The following GNG7 variants were observed in gnomAD, a reference collection of about 807,000 sequenced individuals.
GNG7 encodes guanine nucleotide-binding protein G(I)/G(S)/G(O) subunit gamma-7.
A neutral mutation model predicts 4.0 loss-of-function variants in GNG7; 1 was observed. The ratio of observed to expected loss-of-function variants is 0.25; its 90% CI spans 0.09 to 1.18. GNG7 has a LOEUF of 1.18. GNG7 is among the 50% of genes most tolerant of loss of function. The pLI is 0.50. For missense variants in GNG7, 86 were observed against 91.9 expected (o/e 0.94, Z 0.26); for synonymous variants, 34 against 36.9 (o/e 0.92, Z 0.29).
intron 2 of GNG7, among the ~76,000 whole-genome samples, chr19:2,565,836 G>A (rs1010097011): frequency 2.6e-5 from 4 of 152,088 alleles, no homozygotes; most frequent in African/African-American, 4.8e-5. Flanking sequence ...TGCAGGGGAC[G>A]GGCGGAATGA....
chr19:2,690,940 AC>A (rs1438071442), intron 1 of GNG7, among the ~76,000 whole-genome samples: 3 of 152,158 alleles, frequency 2.0e-5, no homozygotes, highest in Non-Finnish European at 4.4e-5. Flanking sequence ...ACGTATCCTT[AC>A]ACCCTTCTCC....
rs538366779 is a variant in GNG7, at chr19:2,617,578, T to A, written c.-78+28646A>T. Among the ~76,000 whole-genome samples the A allele has an allele frequency of 3.3e-5, 5 of 152,274 alleles. No homozygotes were observed. Among genetic ancestry groups the A allele is most frequent in the Non-Finnish European group, 4.4e-5 (3 of 68,020 alleles). ...TCCGCTTCCAGGGAGCCCTCCGGAA[T>A]GTCCTTCCTCCTGCCTTCAATGCTC... On this transcript the variant is annotated intron_variant, in intron 2 of 4. Transcript: ENST00000382159. The surrounding 1 kb of genome is among the most constrained non-coding windows in gnomAD (Gnocchi z 4.7).
chr19:2,664,626 C>T (rs1159588312), intron 1 of GNG7, among the ~76,000 whole-genome samples: 2 of 152,168 alleles, frequency 1.3e-5, no homozygotes. Context: ...GCTCTAGAGA[C>T]CCTCCTCACC....
intron 1 of GNG7, among the ~76,000 whole-genome samples, chr19:2,669,539 T>C (rs141768620): frequency 0.013 from 1,947 of 152,156 alleles, 32 homozygotes; most frequent in African/African-American, 0.044. Flanking sequence ...ACTACCACTG[T>C]GGGTCAAATC....
At chr19:2,580,697 C>T (rs1980477523) in intron 2 of GNG7, among the ~76,000 whole-genome samples, 1 of 150,350 alleles carries the variant, frequency 6.7e-6, no homozygotes, top group African/African-American at 2.5e-5. Context: ...AACTCTTGGC[C>T]TCAAGGGATC....
Position 2,646,250 on chromosome 19 carries a change from G to C in GNG7, c.-104C>G, listed in dbSNP as rs149523833. On this transcript the variant is annotated 5_prime_UTR_variant, in exon 2 of 5. Transcript: ENST00000382159. Reference sequence around the variant, plus strand: ...TGTGCAGGAGGTCTCGCCGTCTGCAGCACCGAGATCCCGAAACCAAGCTCC... The same window carrying C: ...TGTGCAGGAGGTCTCGCCGTCTGCACCACCGAGATCCCGAAACCAAGCTCC... The C allele has an allele frequency of 0.011, 1,679 of 152,248 alleles. 23 individuals are homozygous for C. The highest frequency in any genetic ancestry group is 0.058 in the Middle Eastern group (17 of 294). The allele number at this position is 152,248 out of a possible 1,614,324, so 9.4% of individuals were successfully genotyped here. A position where few individuals can be genotyped will look rare whatever the true frequency, so the allele number is the denominator to read the frequency against.
intron 2 of GNG7, among the ~76,000 whole-genome samples, chr19:2,601,498 G>A (rs1296484279): frequency 6.6e-6 from 1 of 152,132 alleles, no homozygotes; most frequent in Non-Finnish European, 1.5e-5. Flanking sequence ...CAGGAACAAG[G>A]ACTGGGCAAT....
rs1441442907 is a variant in GNG7 at position 2,543,229 on chromosome 19, T to C, written c.-38+11920A>G. ...ACGCCGTGCCTGGCCTCCTTTTTTT[T>C]TTTTTTTTTGACACAGGGTCTTGCT... On this transcript the variant is annotated intron_variant, in intron 3 of 4. Coordinates refer to ENST00000382159, the MANE Select transcript of GNG7 (RefSeq NM_052847.3). Among the ~76,000 whole-genome samples, 5 of 149,444 alleles carry C rather than the reference T, an allele frequency of 3.3e-5. No homozygotes were observed. In the East Asian group the frequency reaches 7.8e-4, roughly 23 times the overall value.
Position 2,587,908 on chromosome 19 carries a change from G to GGA in GNG7, c.-77-32722_-77-32721dup, listed in dbSNP as rs563501755. On this transcript the variant is annotated intron_variant, in intron 2 of 4. Transcript: ENST00000382159. ...GAAGGAAGGAAAGAAAAGAAAAGAA[G>GGA]GAGAGAGAGAGAGAAGGAAGGAAGG... Among the ~76,000 whole-genome samples, 426 of 149,744 alleles carry GGA rather than the reference G, an allele frequency of 2.8e-3. 2 individuals carry two copies. Among genetic ancestry groups the GGA allele is most frequent in the Middle Eastern group, 6.9e-3 (2 of 290 alleles).
At chr19:2,598,379 C>T (rs371179738) in intron 2 of GNG7, among the ~76,000 whole-genome samples, 16 of 151,678 alleles carry the variant, frequency 1.1e-4, no homozygotes, top group Non-Finnish European at 2.2e-4. Context: ...CAGAATTGGC[C>T]GGGCGTGGTG....
chr19:2,580,272 C>G (rs1232273174), intron 2 of GNG7, among the ~76,000 whole-genome samples: 1 of 143,268 alleles, frequency 7.0e-6, no homozygotes, highest in African/African-American at 2.8e-5. Context: ...CCCTGCTGCT[C>G]TCTGTCTGGT....
chr19:2,573,018 CCT>C (rs1491498386), intron 2 of GNG7, among the ~76,000 whole-genome samples: 29 of 148,180 alleles, frequency 2.0e-4, no homozygotes, highest in Middle Eastern at 3.5e-3. Context: ...GGAAATTTCT[CCT>C]TTTTTTTTTT....
intron 4 of GNG7, among the ~76,000 whole-genome samples, chr19:2,517,426 G>A (rs568416485): frequency 1.4e-4 from 21 of 152,190 alleles, no homozygotes; most frequent in African/African-American, 4.8e-4. Flanking sequence ...GTGCAGTGGC[G>A]TGATCTCGGC....
chr19:2,636,000 G>A (rs745445337), intron 2 of GNG7, among the ~76,000 whole-genome samples: 59 of 152,300 alleles, frequency 3.9e-4, no homozygotes, highest in Middle Eastern at 3.4e-3. Flanking sequence ...ACGCTGCTCA[G>A]CAGCCTGCAG....
intron 4 of GNG7, 95 bp from the exon 5 acceptor site, chr19:2,515,242 A>G (rs986165941): frequency 3.9e-6 from 6 of 1,530,168 alleles, no homozygotes; most frequent in Non-Finnish European, 5.3e-6. Context: ...CCACAGGCGG[A>G]AACAGCTCAG....
chr19:2,548,610 G>A (rs1471966174), intron 3 of GNG7, among the ~76,000 whole-genome samples: 2 of 151,352 alleles, frequency 1.3e-5, no homozygotes, highest in African/African-American at 4.9e-5. Flanking sequence ...CCAACGTGGT[G>A]AAACCCCATC....
At chr19:2,589,466 C>T (rs752661456) in intron 2 of GNG7, among the ~76,000 whole-genome samples, 128 of 145,990 alleles carry the variant, frequency 8.8e-4, no homozygotes, top group Non-Finnish European at 1.1e-3. Context: ...GTGATCCGTC[C>T]GCCTTGGCCT....
chr19:2,680,319 T>C (rs1983700539), intron 1 of GNG7, among the ~76,000 whole-genome samples: 1 of 151,790 alleles, frequency 6.6e-6, no homozygotes, highest in African/African-American at 2.4e-5. Flanking sequence ...CTGGCCAATT[T>C]TAGTATTTTT....
chr19:2,601,402 G>A (rs1042761093), intron 2 of GNG7, among the ~76,000 whole-genome samples: 1 of 152,102 alleles, frequency 6.6e-6, no homozygotes, highest in Non-Finnish European at 1.5e-5. Context: ...ACTCAGTCCT[G>A]CCACGGCGCG....
Sources: allele counts gnomAD v4.1 joint callset (sites outside exome capture counted in the v4.1 genomes callset), GRCh38; gene constraint gnomAD v4.1.1; non-coding constraint Gnocchi (gnomAD v3.1); transcripts MANE v1.5; gene names NCBI Gene and HGNC (gene_info 2026-07-23, HGNC 2026-07-21).